The following FREM1 variants were observed in gnomAD, a reference collection of about 807,000 sequenced individuals.
FREM1 encodes the protein FRAS1 related extracellular matrix 1, also known as FRAS1-related extracellular matrix protein 1.
In FREM1, 220 loss-of-function variants were observed where a neutral mutation model predicts 210.1. The ratio of observed to expected loss-of-function variants is 1.05; its 90% confidence interval spans 0.94 to 1.17. The LOEUF (loss-of-function observed/expected upper bound fraction) is 1.17. Among genes scored for constraint, FREM1 ranks in the 50% most tolerant of loss-of-function variants. FREM1 has a pLI of 0.00. For synonymous variants in FREM1, 1,189 were observed against 980.2 expected (o/e 1.21, Z -3.98); for missense variants, 3,454 against 2,675.5 (o/e 1.29, Z -6.42).
Position 14,759,935 on chromosome 9 carries a change from T to C in FREM1, c.5205-34A>G, listed in dbSNP as rs753569919. ...GAAAGGAAAAGAGAAATCATGAGAA[T>C]GCATAGTATATGCCTATAGGGATTC... On this transcript the variant is annotated intron_variant, in intron 27 of 36. Transcript: ENST00000380880. The C allele has an allele frequency of 5.0e-6, 8 of 1,590,550 alleles. No homozygotes were observed. The East Asian group carries it at 6.8e-5, about 13-fold the overall frequency.
chr9:14,760,030 T>A, intron 27 of FREM1, 129 bp from the exon 28 acceptor site: 1 of 576,102 alleles, frequency 1.7e-6, no homozygotes, highest in Non-Finnish European at 2.9e-6. Context: ...CCTTAAGACT[T>A]ATTTGACACA....
intron 6 of FREM1, 40 bp downstream of exon 6, chr9:14,851,244 G>T: frequency 6.9e-7 from 1 of 1,458,528 alleles, no homozygotes; most frequent in Non-Finnish European, 9.3e-7. Context: ...ATAACCCTGT[G>T]ACTTCTAACT....
chr9:14,869,252 T>G lies in FREM1; in HGVS notation c.-267-8A>C. 2.7e-6 allele frequency: 1 copy of G among 375,062 alleles called. No individual in the cohort carries two copies. 23.2% of individuals were successfully genotyped at this position (375,062 alleles called of 1,614,324 possible). On this transcript the variant is annotated splice_polypyrimidine_tract_variant and splice_region_variant and intron_variant, in intron 1 of 36. Transcript: ENST00000380880. ...CCAAGTGCTTTTCTAATCCTGCAAA[T>G]GGGAGAAGGGGTTGGAGTAAAGCGA...
At chr9:14,848,506 AAAC>A (rs1312792276) in intron 7 of FREM1, among the ~76,000 whole-genome samples, 156 bp downstream of exon 7, 8 of 152,238 alleles carry the variant, frequency 5.3e-5, no homozygotes, top group African/African-American at 1.4e-4. Context: ...AGGAATAAAA[AAAC>A]AACAACAAAA....
At chr9:14,749,797 A>G (rs544478165) in intron 30 of FREM1, among the ~76,000 whole-genome samples, 44 of 152,304 alleles carry the variant, frequency 2.9e-4, no homozygotes, top group Non-Finnish European at 5.1e-4. Flanking sequence ...TAACAGAGAA[A>G]GATAATTATA....
At chr9:14,822,316 G>A (rs13292779) in intron 13 of FREM1, among the ~76,000 whole-genome samples, 6 of 152,290 alleles carry the variant, frequency 3.9e-5, no homozygotes, top group Non-Finnish European at 5.9e-5. Flanking sequence ...TAGGCCCTCA[G>A]GGTAAGACCT....
intron 21 of FREM1, among the ~76,000 whole-genome samples, chr9:14,796,305 T>C (rs751069604): frequency 1.3e-5 from 2 of 152,106 alleles, no homozygotes; most frequent in Admixed American, 6.6e-5. Context: ...GTTGCACTAT[T>C]GAAAAAAGAG....
In FREM1 at chr9:14,747,203, G is replaced by C. The variant is rs1039486407; in HGVS notation, c.6009+61C>G. 2.5e-6 allele frequency: 4 copies of C among 1,584,476 alleles called. No homozygotes were observed. In the African/African-American group the frequency reaches 5.4e-5, roughly 21 times the overall value. On this transcript the variant is annotated intron_variant, in intron 33 of 36. Transcript: ENST00000380880. ...GGAGGCTATTTTGTGAATTAAGTGT[G>C]TTTCTGGCCCAGCAAACAACTTGTT...
intron 14 of FREM1, among the ~76,000 whole-genome samples, chr9:14,817,298 C>A (rs1340380118): frequency 6.6e-6 from 1 of 152,166 alleles, no homozygotes; most frequent in Non-Finnish European, 1.5e-5. Context: ...CTAGGCTAAT[C>A]CTTCCGCCTG....
Position 14,769,753 on chromosome 9 carries a change from G to C in FREM1, c.5175C>G (p.Asp1725Glu), listed in dbSNP as rs768045794. The change falls in exon 27 of 37, where the codon GAC becomes GAG. Residue 1725 changes from aspartate to glutamate, a missense_variant. By Grantham distance (45) the Asp-to-Glu change is conservative (BLOSUM62 2). Transcript: ENST00000380880. ...GAGGAGTGGCCGAGTTCCCTGTGGGGTCCATGATTTGAAATTCCACGGTAT... is the reference window on the plus strand; with the variant it reads ...GAGGAGTGGCCGAGTTCCCTGTGGGCTCCATGATTTGAAATTCCACGGTAT... ...NSDTVEFQIM[D>E]PTGNSATPQI... The C allele has an allele frequency of 5.0e-6, 8 of 1,612,376 alleles. No homozygotes were observed. The Admixed American group carries it at 1.3e-4, about 27-fold the overall frequency.
At chr9:14,833,765 T>C (rs1202094525) in intron 10 of FREM1, among the ~76,000 whole-genome samples, 1 of 152,222 alleles carries the variant, frequency 6.6e-6, no homozygotes, top group Non-Finnish European at 1.5e-5. Context: ...TTTTCTTTTT[T>C]TGGATGTTGT....
chr9:14,883,612 T>C (rs1380291067), intron 1 of FREM1, among the ~76,000 whole-genome samples: 1 of 151,978 alleles, frequency 6.6e-6, no homozygotes, highest in Admixed American at 6.6e-5. Flanking sequence ...GCAAACAAGA[T>C]TTCACAGTGA....
At chr9:14,876,678 G>A (rs1833816975) in intron 1 of FREM1, among the ~76,000 whole-genome samples, 1 of 152,134 alleles carries the variant, frequency 6.6e-6, no homozygotes, top group Non-Finnish European at 1.5e-5. Flanking sequence ...ACAGTGCGCT[G>A]CACCCACTGT....
At chr9:14,877,116 G>C (rs1833902787) in intron 1 of FREM1, among the ~76,000 whole-genome samples, 1 of 151,598 alleles carries the variant, frequency 6.6e-6, no homozygotes, top group Non-Finnish European at 1.5e-5. Context: ...TGGGACCCTA[G>C]AGTCCAGTTG....
intron 1 of FREM1, among the ~76,000 whole-genome samples, chr9:14,896,160 C>A (rs919190175): frequency 6.6e-6 from 1 of 152,162 alleles, no homozygotes; most frequent in African/African-American, 2.4e-5. Context: ...GACCTCTGAT[C>A]GTCCTCACTG....
chr9:14,770,113 T>C (rs552099150), intron 26 of FREM1, among the ~76,000 whole-genome samples: 2 of 152,032 alleles, frequency 1.3e-5, no homozygotes, highest in East Asian at 3.9e-4. Context: ...AGAAGGAGAG[T>C]AGAAAGATAC....
chr9:14,818,386 C>T (rs2779501), intron 14 of FREM1, among the ~76,000 whole-genome samples: 15,547 of 152,146 alleles, frequency 0.1, 1,320 homozygotes, highest in East Asian at 0.45. Flanking sequence ...GGATTAAACT[C>T]ATCTTCTTCT....
chr9:14,766,542 C>G (rs144995708), intron 27 of FREM1, among the ~76,000 whole-genome samples: 231 of 152,272 alleles, frequency 1.5e-3, no homozygotes, highest in African/African-American at 5.4e-3. Flanking sequence ...CTTGATGAAT[C>G]TCACGAAACA....
Position 14,807,944 on chromosome 9 carries a change from T to G in FREM1, c.3084A>C (p.Ala1028=). The G allele has an allele frequency of 1.2e-6, 2 of 1,609,888 alleles. No individual in the cohort carries two copies. Among genetic ancestry groups the G allele is most frequent in the Non-Finnish European group, 1.7e-6 (2 of 1,176,632 alleles). ...AACAAAAAAACACATTGTCACCTAT[T>G]GCAATGGAAGGTGGCTGGTTGTCTA... ...YPVDNQPPSI[A]IGPVFVVDEG... is the part of the protein sequence containing the mutation. Residue 1028 remains alanine, a synonymous_variant, in exon 17 of 37, where the codon GCA becomes GCC. Transcript: ENST00000380880.
Sources: gnomAD v4.1 joint callset for allele counts (sites outside exome capture counted in the v4.1 genomes callset) on GRCh38, gnomAD v4.1.1 for gene constraint, MANE v1.5 for transcripts, NCBI Gene and HGNC (gene_info 2026-07-23, HGNC 2026-07-21) for gene names.